DUSP8: variants seen among roughly 807,000 people sequenced by gnomAD.
The protein encoded by DUSP8 is dual specificity protein phosphatase 8.
DUSP8 carries 15 observed loss-of-function variants against 38.7 expected under a neutral mutation model. The observed-to-expected ratio is 0.39, with a 90% CI of 0.26 to 0.60. The LOEUF (loss-of-function observed/expected upper bound fraction) is 0.60, where lower values mean the gene tolerates loss of function less well. DUSP8 is among the 20% of genes least tolerant of loss of function. DUSP8 has a pLI of 0.56. For synonymous variants in DUSP8, 458 were observed against 433.9 expected (o/e 1.06, Z -0.69); for missense variants, 768 against 915.0 (o/e 0.84, Z 2.07).
rs991824356 is a variant in DUSP8, at chr11:1,556,811, C to G, written c.1585G>C (p.Glu529Gln). Residue 529 changes from glutamate to glutamine, a missense_variant, in exon 7 of 7, where the codon GAG (glutamate) becomes CAG (glutamine). This residue lies in a region of DUSP8 where 474 missense variants were observed against 430.8 expected (regional missense o/e 1.10). Transcript: ENST00000397374. This position sits in a 1 kb window ranked among gnomAD's most constrained non-coding sequence, Gnocchi z 5.2. ...SPDGPWCFSP[E>Q]GAQGAGGVLF... The stretch of plus-strand genomic sequence containing the variant: ...ACCCCGCCCGCCCCCTGTGCGCCCT[C>G]GGGGCTGAAGCACCAGGGCCCGTCG... 1.6e-5 allele frequency: 19 copies of G among 1,167,564 alleles called. No homozygotes were observed. The African/African-American group carries it at 3.1e-4, about 19-fold the overall frequency. The allele number at this position is 1,167,564 out of a possible 1,614,324, so 72.3% of individuals were successfully genotyped here. A position where few individuals can be genotyped will look rare whatever the true frequency, so the allele number is the denominator to read the frequency against.
At chr11:1,570,592 C>G (rs921373722) in intron 1 of DUSP8, among the ~76,000 whole-genome samples, 1 of 151,758 alleles carries the variant, frequency 6.6e-6, no homozygotes, top group South Asian at 2.1e-4. Flanking sequence ...GAAGCCTCCC[C>G]GAGGACAGAG....
chr11:1,559,242 G>C, intron 3 of DUSP8, 187 bp from the exon 4 acceptor site: 1 of 552,822 alleles, frequency 1.8e-6, no homozygotes, highest in Non-Finnish European at 3.1e-6. Flanking sequence ...TGGGGGGAGG[G>C]GGTACTGCCA....
intron 3 of DUSP8, among the ~76,000 whole-genome samples, chr11:1,561,719 T>A (rs1848719724): frequency 6.6e-6 from 1 of 152,234 alleles, no homozygotes; most frequent in Non-Finnish European, 1.5e-5. Flanking sequence ...CATTCCGGCC[T>A]CTACTGTCCC....
Position 1,556,681 on chromosome 11 carries a change from C to A in DUSP8, c.1715G>T (p.Gly572Val). Residue 572 changes from glycine to valine, a missense_variant, in exon 7 of 7, where the codon GGC becomes GTC. Gly to Val is a moderately radical substitution (Grantham distance 109). Around this residue, in one of 3 missense-constraint regions of DUSP8, gnomAD observed 474 missense variants for 430.8 expected, o/e 1.10. Coordinates refer to ENST00000397374, the MANE Select transcript of DUSP8 (RefSeq NM_004420.3). The surrounding 1 kb of genome is among the most constrained non-coding windows in gnomAD (Gnocchi z 5.2). ...CTCCGGGGCCGGCTCCTCGGGCCAG[C>A]CGGTCCGCGCGTCCCGGGGCTCAGC... ...ARAEPRDART[G>V]WPEEPAPETQ... 1.5e-6 allele frequency: 2 copies of A among 1,328,630 alleles called. No homozygotes were observed. The highest frequency in any genetic ancestry group is 1.9e-6 in the Non-Finnish European group (2 of 1,036,148). The allele number at this position is 1,328,630 out of a possible 1,614,324, so 82.3% of individuals were successfully genotyped here. A position where few individuals can be genotyped will look rare whatever the true frequency, so the allele number is the denominator to read the frequency against.
In DUSP8 at chr11:1,557,817, G is replaced by A. The variant is rs1848660288; in HGVS notation, c.798C>T (p.Gly266=). 1 of 1,613,460 alleles carries A rather than the reference G, an allele frequency of 6.2e-7. No homozygotes were observed. Among genetic ancestry groups the A allele is most frequent in the African/African-American group, 1.3e-5 (1 of 74,926 alleles). Residue 266 remains glycine (G), a synonymous_variant, in exon 6 of 7, where the codon GGC becomes GGT. Transcript: ENST00000397374. This position sits in a 1 kb window ranked among gnomAD's most constrained non-coding sequence, Gnocchi z 9.9. ...IAIAYIMKTM[G]MSSDDAYRFV... ...ACCTGTAGGCGTCGTCGGAGGACAT[G>A]CCCATGGTCTTCATGATGTAGGCGA...
chr11:1,555,581 G>T lies in DUSP8; in HGVS notation c.*937C>A. On this transcript the variant is annotated 3_prime_UTR_variant, in exon 7 of 7. Coordinates refer to ENST00000397374, the MANE Select transcript of DUSP8 (RefSeq NM_004420.3). ...TTCCTGCCCAGTGGAGCCAGCACTG[G>T]CTAGCCAGGCGCCTCCTGCCTGACC... 1.6e-6 allele frequency: 1 copy of T among 636,610 alleles called. No homozygotes were observed. Among genetic ancestry groups the T allele is most frequent in the Non-Finnish European group, 2.0e-6 (1 of 511,076 alleles). 39.4% of individuals were successfully genotyped at this position (636,610 alleles called of 1,614,324 possible).
In DUSP8 at chr11:1,557,614, C is replaced by T; in HGVS notation, c.822-40G>A. 6.7e-7 allele frequency: 1 copy of T among 1,494,714 alleles called. No homozygotes were observed. The allele number at this position is 1,494,714 out of a possible 1,614,324, so 92.6% of individuals were successfully genotyped here. ...GCTCAGTCCCAGGCGCCCGCCGGGG[C>T]CAGGCTGCCCACCTGACGCACCCGC... On this transcript the variant is annotated intron_variant, in intron 6 of 6. Transcript: ENST00000397374. This position sits in a 1 kb window ranked among gnomAD's most constrained non-coding sequence, Gnocchi z 9.9.
Position 1,557,710 on chromosome 11 carries a change from T to C in DUSP8, c.821+84A>G. The C allele has an allele frequency of 6.3e-7, 1 of 1,594,402 alleles. No individual in the cohort carries two copies. Reference sequence around the variant, plus strand: ...CTCCCTTGCCACGGGTCCTGGACGGTGGGGTCATTCTGGTGCAAGTGGGCA... The same window carrying C: ...CTCCCTTGCCACGGGTCCTGGACGGCGGGGTCATTCTGGTGCAAGTGGGCA... On this transcript the variant is annotated intron_variant, in intron 6 of 6. Coordinates refer to ENST00000397374, the MANE Select transcript of DUSP8 (RefSeq NM_004420.3). This position sits in a 1 kb window ranked among gnomAD's most constrained non-coding sequence, Gnocchi z 9.9.
intron 1 of DUSP8, among the ~76,000 whole-genome samples, chr11:1,566,375 C>T (rs1330340437): frequency 6.6e-6 from 1 of 152,148 alleles, no homozygotes; most frequent in Admixed American, 6.5e-5. Flanking sequence ...GCTTGCTGTC[C>T]TCACACCTGC....
intron 2 of DUSP8, 87 bp from the exon 3 acceptor site, chr11:1,564,076 G>T: frequency 7.4e-7 from 1 of 1,352,142 alleles, no homozygotes; most frequent in Non-Finnish European, 9.6e-7. Flanking sequence ...CAAGGGAATA[G>T]TAAGGGCATC....
chr11:1,559,072 G>T lies in DUSP8; in HGVS notation c.371-17C>A, dbSNP rs756593578. The stretch of plus-strand genomic sequence containing the variant: ...CGAAGCCCCCTGTAGGAGGAGGGCC[G>T]TCAAGTGGGTTGAGAGAACACCTAG... On this transcript the variant is annotated splice_polypyrimidine_tract_variant and intron_variant, in intron 3 of 6. Transcript: ENST00000397374. 1 of 1,605,306 alleles carries T rather than the reference G, an allele frequency of 6.2e-7. No homozygotes were observed.
Position 1,558,283 on chromosome 11 carries a change from G to T in DUSP8, c.538-12C>A. The stretch of plus-strand genomic sequence containing the variant: ...TGCGTCATCAGATCCTGGAGGGGCG[G>T]GAGGGCGGGTTGGAAAGGGGTGGGA... On this transcript the variant is annotated splice_polypyrimidine_tract_variant and intron_variant, in intron 4 of 6. Transcript: ENST00000397374. This position sits in a 1 kb window ranked among gnomAD's most constrained non-coding sequence, Gnocchi z 6.3. The T allele has an allele frequency of 8.2e-7, 1 of 1,215,158 alleles. No homozygotes were observed. The highest frequency in any genetic ancestry group is 1.2e-6 in the Non-Finnish European group (1 of 843,768). 75.3% of individuals were successfully genotyped at this position (1,215,158 alleles called of 1,614,324 possible).
In DUSP8 at chr11:1,558,125, G is replaced by A; in HGVS notation, c.684C>T (p.Ser228=). The A allele has an allele frequency of 4.3e-6, 7 of 1,611,972 alleles. No individual in the cohort carries two copies. The highest frequency in any genetic ancestry group is 5.1e-6 in the Non-Finnish European group (6 of 1,179,862). The change falls in exon 5 of 7, where the codon TCC becomes TCT. Residue 228 remains serine, a synonymous_variant. Transcript: ENST00000397374. This position sits in a 1 kb window ranked among gnomAD's most constrained non-coding sequence, Gnocchi z 6.3. The part of the protein sequence containing the change: ...CEKLLPWLDK[S]IEFIDKAKLS... ...CCGCAGACTCACCGATGAACTCGAT[G>A]GACTTGTCCAGCCAGGGCAGCAGTT... is the stretch of plus-strand genomic sequence containing the variant.
intron 1 of DUSP8, among the ~76,000 whole-genome samples, chr11:1,566,211 C>G (rs1369271368): frequency 1.3e-5 from 2 of 152,120 alleles, no homozygotes; most frequent in African/African-American, 2.4e-5. Flanking sequence ...GTTCACGGAC[C>G]CTTAGGCATT....
At position 1,558,863 on chromosome 11, in the gene DUSP8, C is replaced by A. The variant is rs540153626; in HGVS notation, c.537+26G>T. The A allele has an allele frequency of 3.8e-6, 6 of 1,576,718 alleles. No individual in the cohort carries two copies. The African/African-American group carries it at 6.8e-5, about 18-fold the overall frequency. ...GCTCCTGCCCCTTTCCCATTGACCA[C>A]CCCCCGAACTCCACTGCACACACAC... On this transcript the variant is annotated intron_variant, in intron 4 of 6. Coordinates refer to ENST00000397374, the MANE Select transcript of DUSP8 (RefSeq NM_004420.3). The surrounding 1 kb of genome is among the most constrained non-coding windows in gnomAD (Gnocchi z 6.3).
chr11:1,572,249 G>C lies in DUSP8; in HGVS notation c.-457C>G, dbSNP rs1289673080. On this transcript the variant is annotated 5_prime_UTR_variant, in exon 1 of 7. Transcript: ENST00000397374. This position sits in a 1 kb window ranked among gnomAD's most constrained non-coding sequence, Gnocchi z 4.7. ...GGGGCGTCGTGGGGGGAGCCGGCTCGGCCGCCGCGCTCGGCCGCGAGTGAC... is the reference window on the plus strand; with the variant it reads ...GGGGCGTCGTGGGGGGAGCCGGCTCCGCCGCCGCGCTCGGCCGCGAGTGAC... Among the ~76,000 whole-genome samples, 1 of 146,618 alleles carries C rather than the reference G, an allele frequency of 6.8e-6. No individual in the cohort carries two copies. Among genetic ancestry groups the C allele is most frequent in the Non-Finnish European group, 1.5e-5 (1 of 65,970 alleles).
At position 1,563,868 on chromosome 11, in the gene DUSP8, C is replaced by T; in HGVS notation, c.353G>A (p.Ser118Asn). The change falls in exon 3 of 7, where the codon AGC becomes AAC. Residue 118 changes from serine to asparagine, a missense_variant. Around this residue, in one of 3 missense-constraint regions of DUSP8, gnomAD observed 252 missense variants for 410.4 expected, o/e 0.61. Transcript: ENST00000397374. ...LLSKLDGCFD[S>N]VAILTGGFAT... ...GGACTCACCAGTGAGGATGGCCACG[C>T]TGTCGAAGCAGCCGTCCAGCTTGCT... 6.5e-7 allele frequency: 1 copy of T among 1,538,886 alleles called. No individual in the cohort carries two copies. Among genetic ancestry groups the T allele is most frequent in the Non-Finnish European group, 8.8e-7 (1 of 1,141,178 alleles).
intron 1 of DUSP8, among the ~76,000 whole-genome samples, chr11:1,566,571 G>A (rs1848808113): frequency 1.3e-5 from 2 of 152,186 alleles, no homozygotes; most frequent in South Asian, 4.1e-4. Context: ...CAGAGGCACG[G>A]CTCCTTTGCC....
At chr11:1,560,431 G>A (rs1329591794) in intron 3 of DUSP8, among the ~76,000 whole-genome samples, 1 of 152,166 alleles carries the variant, frequency 6.6e-6, no homozygotes, top group Non-Finnish European at 1.5e-5. Context: ...TGAGGACAGG[G>A]GAGTGTGTGC....
Sources: gnomAD v4.1 joint callset for allele counts (sites outside exome capture counted in the v4.1 genomes callset) on GRCh38, gnomAD v4.1.1 for gene constraint, gnomAD v4.1.1 regional missense constraint, Gnocchi (gnomAD v3.1) non-coding constraint, MANE v1.5 for transcripts, NCBI Gene and HGNC (gene_info 2026-07-23, HGNC 2026-07-21) for gene names.